The following RABGAP1 variants were observed in gnomAD, a reference collection of about 807,000 sequenced individuals.
RABGAP1 encodes RAB GTPase activating protein 1.
Under a neutral mutation model 137.6 loss-of-function variants are expected in RABGAP1, and 23 were observed. The observed-to-expected ratio is 0.17, with a 90% CI of 0.12 to 0.24. The LOEUF (loss-of-function observed/expected upper bound fraction) is 0.24. RABGAP1 is among the 10% of genes least tolerant of loss of function. RABGAP1 has a pLI of 1.00. For missense variants in RABGAP1, 906 were observed against 1,275.8 expected (o/e 0.71, Z 4.42); for synonymous variants, 451 against 450.7 (o/e 1.00, Z -0.01).
chr9:122,985,955 G>A (rs552704628), intron 3 of RABGAP1, among the ~76,000 whole-genome samples: 3 of 152,128 alleles, frequency 2.0e-5, no homozygotes, highest in Non-Finnish European at 2.9e-5. Flanking sequence ...TACTCAAAAG[G>A]TTTTGAAATT....
At chr9:123,085,888 C>T (rs1460266600) in intron 19 of RABGAP1, among the ~76,000 whole-genome samples, 3 of 152,200 alleles carry the variant, frequency 2.0e-5, no homozygotes, top group Non-Finnish European at 2.9e-5. Context: ...ATAAATGTCC[C>T]TGCTGCATCT....
At chr9:123,056,788 G>GT (rs1301751636) in intron 13 of RABGAP1, among the ~76,000 whole-genome samples, 4 of 152,180 alleles carry the variant, frequency 2.6e-5, no homozygotes. Flanking sequence ...AGAGCACAGG[G>GT]TTGGGGGTAA....
chr9:123,016,786 A>G (rs886504116), intron 12 of RABGAP1, among the ~76,000 whole-genome samples: 1 of 152,194 alleles, frequency 6.6e-6, no homozygotes, highest in African/African-American at 2.4e-5. Context: ...TAACTGTTGA[A>G]GTATTTCACT....
chr9:122,964,487 C>A (rs1390043351), intron 2 of RABGAP1, among the ~76,000 whole-genome samples: 1 of 151,964 alleles, frequency 6.6e-6, no homozygotes, highest in African/African-American at 2.4e-5. Flanking sequence ...TCAGTAGATG[C>A]AGAAAAAGCA....
chr9:122,941,639 C>T lies in RABGAP1; in HGVS notation c.-50+546C>T, dbSNP rs1049364789. On this transcript the variant is annotated intron_variant, in intron 1 of 25. Transcript: ENST00000373647. ...TGGTCTTTCAGTCTCATTTCCCCGT[C>T]TGCAATTAAAGCGTTCTTGGCATCC... Among the ~76,000 whole-genome samples the T allele has an allele frequency of 3.9e-5, 6 of 152,354 alleles. No individual in the cohort carries two copies. The South Asian group carries it at 6.2e-4, about 16-fold the overall frequency.
At chr9:123,034,411 T>C (rs1454014816) in intron 13 of RABGAP1, 1 of 621,456 alleles carries the variant, frequency 1.6e-6, no homozygotes, top group Non-Finnish European at 2.8e-6. Context: ...CTGCAGGCAA[T>C]GCACCAGAGC....
intron 2 of RABGAP1, among the ~76,000 whole-genome samples, chr9:122,969,711 A>G (rs1395791053): frequency 6.9e-6 from 1 of 145,522 alleles, no homozygotes; most frequent in Non-Finnish European, 1.5e-5. Flanking sequence ...TGCCATTTCA[A>G]TGTGGTATAA....
At chr9:122,954,373 A>T (rs1476760313) in intron 1 of RABGAP1, among the ~76,000 whole-genome samples, 2 of 152,216 alleles carry the variant, frequency 1.3e-5, no homozygotes, top group Admixed American at 1.3e-4. Flanking sequence ...TGTTTTGATA[A>T]ACCTCATTCC....
chr9:122,989,354 C>T lies in RABGAP1; in HGVS notation c.648C>T (p.Leu216=). 2 of 1,613,878 alleles carry T rather than the reference C, an allele frequency of 1.2e-6. No individual in the cohort carries two copies. The highest frequency in any genetic ancestry group is 1.7e-6 in the Non-Finnish European group (2 of 1,179,850). ...CAAACTACCCTATCTACAAAATCCTCTTCTGTGTCAGAGGGCATGATGGAA... is the reference window on the plus strand; with the variant it reads ...CAAACTACCCTATCTACAAAATCCTTTTCTGTGTCAGAGGGCATGATGGAA... ...EIANYPIYKI[L]FCVRGHDGTP... Residue 216 remains leucine, a synonymous_variant, in exon 5 of 26, where the codon CTC becomes CTT. Coordinates refer to ENST00000373647, the MANE Select transcript of RABGAP1 (RefSeq NM_012197.4).
chr9:123,047,708 C>A (rs2033267504), intron 13 of RABGAP1, among the ~76,000 whole-genome samples: 1 of 151,718 alleles, frequency 6.6e-6, no homozygotes, highest in Admixed American at 6.6e-5. Flanking sequence ...TATAAAAATT[C>A]AAAATTAAAA....
chr9:123,022,992 T>C (rs944500182), intron 13 of RABGAP1, among the ~76,000 whole-genome samples: 1 of 152,186 alleles, frequency 6.6e-6, no homozygotes, highest in Non-Finnish European at 1.5e-5. Flanking sequence ...ATAAGTTACT[T>C]TTTTAAAAGT....
chr9:122,964,323 A>G (rs989851216), intron 2 of RABGAP1, among the ~76,000 whole-genome samples: 1 of 152,202 alleles, frequency 6.6e-6, no homozygotes, highest in East Asian at 1.9e-4. Context: ...AAATACTAGC[A>G]AAGTGAATTC....
chr9:122,961,107 TTAAG>T (rs899731603), intron 2 of RABGAP1, among the ~76,000 whole-genome samples: 43 of 152,158 alleles, frequency 2.8e-4, no homozygotes, highest in African/African-American at 7.5e-4. Context: ...AAAAAAAATT[TTAAG>T]TAATAATGTC....
At chr9:122,995,952 CAG>C in intron 6 of RABGAP1, 87 bp from the exon 7 acceptor site, 2 of 1,473,656 alleles carry the variant, frequency 1.4e-6, no homozygotes, top group Non-Finnish European at 1.8e-6. Flanking sequence ...AGAAAAGAAT[CAG>C]AGATTTGAGG....
intron 13 of RABGAP1, among the ~76,000 whole-genome samples, chr9:123,053,811 C>T (rs1334777532): frequency 2.6e-5 from 4 of 152,204 alleles, no homozygotes; most frequent in Non-Finnish European, 5.9e-5. Flanking sequence ...TCATGGCAGC[C>T]TTCCACTGCA....
At chr9:122,998,904 A>G (rs757019685) in intron 10 of RABGAP1, 138 bp downstream of exon 10, 5 of 503,386 alleles carry the variant, frequency 9.9e-6, no homozygotes, top group African/African-American at 2.0e-5. Flanking sequence ...TATTTTTCAT[A>G]TTTACCCACC....
chr9:122,939,129 C>T (rs1833442564), upstream of RABGAP1: 1 of 151,708 alleles, frequency 6.6e-6, no homozygotes, highest in African/African-American at 2.4e-5. Context: ...TTAAGAAAGC[C>T]AACTGTAAAA....
chr9:123,008,123 A>T (rs2030467994), intron 10 of RABGAP1, among the ~76,000 whole-genome samples: 1 of 152,138 alleles, frequency 6.6e-6, no homozygotes, highest in South Asian at 2.1e-4. Flanking sequence ...AACATTTTTC[A>T]TAGTTAGAGT....
intron 13 of RABGAP1, among the ~76,000 whole-genome samples, chr9:123,036,448 G>A (rs1210389449): frequency 1.3e-5 from 2 of 152,204 alleles, no homozygotes; most frequent in Non-Finnish European, 1.5e-5. Flanking sequence ...AAGCTAAAAA[G>A]TAATTCAGTG....
Sources: allele counts gnomAD v4.1 joint callset (sites outside exome capture counted in the v4.1 genomes callset), GRCh38; gene constraint gnomAD v4.1.1; transcripts MANE v1.5; gene names NCBI Gene and HGNC (gene_info 2026-07-23, HGNC 2026-07-21).